Variants in PPT1 observed in about 807,000 individuals in gnomAD.
PPT1 encodes ceroid-palmitoyl-palmitoyl-protein thioesterase 1.
A neutral mutation model predicts 44.0 loss-of-function variants in PPT1; 24 were observed. The observed-to-expected ratio is 0.54, with a 90% CI of 0.39 to 0.77. The LOEUF (loss-of-function observed/expected upper bound fraction) is 0.77. Among genes scored for constraint, PPT1 ranks in the 30% least tolerant of loss-of-function variants. The probability of loss-of-function intolerance (pLI) is 0.00; values close to 1 mark genes in which losing one functional copy is unlikely to be tolerated. For missense variants in PPT1, 341 were observed against 378.8 expected (o/e 0.90, Z 0.83); for synonymous variants, 148 against 140.2 (o/e 1.06, Z -0.39).
chr1:40,087,329 G>A (rs1473195146), intron 5 of PPT1, among the ~76,000 whole-genome samples: 1 of 151,866 alleles, frequency 6.6e-6, no homozygotes. Flanking sequence ...TGCAACCTCC[G>A]CCTTCTGGGT....
At chr1:40,078,842 A>T in intron 6 of PPT1, 184 bp from the exon 7 acceptor site, 1 of 625,006 alleles carries the variant, frequency 1.6e-6, no homozygotes, top group East Asian at 3.3e-5. Flanking sequence ...TTTTTTTCTA[A>T]AAAACAAAAT....
intron 5 of PPT1, among the ~76,000 whole-genome samples, chr1:40,086,290 G>T (rs1322804476): frequency 6.6e-6 from 1 of 152,090 alleles, no homozygotes; most frequent in Non-Finnish European, 1.5e-5. Flanking sequence ...GGCTAGGAAG[G>T]GCTGACAGCA....
At chr1:40,071,717 C>A, downstream of PPT1, 1 of 575,894 alleles carries the variant, frequency 1.7e-6, no homozygotes, top group Non-Finnish European at 3.1e-6. Context: ...GATAGCAGGT[C>A]AGTTGATCTT....
chr1:40,075,958 C>CAAAAAAAA (rs56338772), intron 8 of PPT1, among the ~76,000 whole-genome samples: 3 of 41,846 alleles, frequency 7.2e-5, no homozygotes, highest in African/African-American at 3.4e-4. Flanking sequence ...AAGACTGTCT[C>CAAAAAAAA]AAAAAAAAAA....
rs1648864924 is a variant in PPT1, at chr1:40,080,379, C to A, written c.627+18G>T. The A allele has an allele frequency of 1.2e-6, 2 of 1,609,000 alleles. No individual in the cohort carries two copies. The highest frequency in any genetic ancestry group is 2.2e-5 in the South Asian group (2 of 90,988). The stretch of plus-strand genomic sequence containing the variant: ...GAAAAAGAACGCACATCTATGGGAG[C>A]CCGGTTTGGGTGCTTACCCGCTCCT... On this transcript the variant is annotated intron_variant, in intron 6 of 8. Coordinates refer to ENST00000642050, the MANE Select transcript of PPT1 (RefSeq NM_000310.4).
At chr1:40,096,943 G>C in intron 1 of PPT1, 172 bp downstream of exon 1, 2 of 1,181,436 alleles carry the variant, frequency 1.7e-6, no homozygotes, top group Non-Finnish European at 2.5e-6. Context: ...TGAAGGGGAC[G>C]GCTCCTTCCC....
chr1:40,088,636 T>C (rs1287292988), intron 5 of PPT1, among the ~76,000 whole-genome samples: 1 of 152,136 alleles, frequency 6.6e-6, no homozygotes, highest in Non-Finnish European at 1.5e-5. Context: ...TGTGAACTTC[T>C]GGCTTCAAGC....
intron 5 of PPT1, among the ~76,000 whole-genome samples, chr1:40,082,781 ATACT>A (rs1649034828): frequency 6.6e-6 from 1 of 152,254 alleles, no homozygotes; most frequent in Non-Finnish European, 1.5e-5. Flanking sequence ...TCTAGCTAAG[ATACT>A]TAATGAAGGT....
chr1:40,076,700 T>C (rs1648647927), intron 8 of PPT1, 142 bp downstream of exon 8: 2 of 1,544,190 alleles, frequency 1.3e-6, no homozygotes, highest in Non-Finnish European at 1.7e-6. Context: ...TTCACCCATA[T>C]TGGACATGAG....
At chr1:40,091,420 T>C in intron 3 of PPT1, 21 bp from the exon 4 acceptor site, 1 of 1,591,852 alleles carries the variant, frequency 6.3e-7, no homozygotes, top group African/African-American at 1.3e-5. Flanking sequence ...AAAGGGAGTT[T>C]TAGCTCCGAC....
intron 1 of PPT1, chr1:40,096,865 C>G: frequency 1.6e-6 from 1 of 613,724 alleles, no homozygotes; most frequent in Non-Finnish European, 2.8e-6. Context: ...AAGGATTAAT[C>G]AAGGACAGCA....
rs757268571 is a variant in PPT1, at chr1:40,097,150, G to A, written c.89C>T (p.Pro30Leu). Reference sequence around the variant, plus strand: ...CCAGATCACCAACGGCAGCGGCGCCGGCGGGTCCAGATGCTGCAGCGCCCG... The same window carrying A: ...CCAGATCACCAACGGCAGCGGCGCCAGCGGGTCCAGATGCTGCAGCGCCCG... ...ASRALQHLDP[P>L]APLPLVIWHG... is the part of the protein sequence containing the mutation. Residue 30 changes from proline to leucine, a missense_variant, in exon 1 of 9, where the codon CCG (proline) becomes CTG (leucine). By Grantham distance (98) the Pro-to-Leu change is moderately conservative. Transcript: ENST00000642050. The A allele has an allele frequency of 6.8e-6, 11 of 1,614,010 alleles. No individual in the cohort carries two copies. The highest frequency in any genetic ancestry group is 3.3e-5 in the Admixed American group (2 of 59,998).
intron 1 of PPT1, chr1:40,096,827 A>AT (rs1312999310): frequency 7.1e-6 from 3 of 425,330 alleles, no homozygotes; most frequent in Non-Finnish European, 1.3e-5. Context: ...ACCAAGTGAG[A>AT]GATGCTGCAT....
intron 1 of PPT1, 41 bp downstream of exon 1, chr1:40,097,074 G>C (rs545105820): frequency 5.6e-6 from 9 of 1,613,952 alleles, no homozygotes; most frequent in Non-Finnish European, 7.6e-6. Flanking sequence ...GCTAGGAAGA[G>C]AGAGAATCGC....
chr1:40,081,945 A>G (rs1252658749), intron 5 of PPT1, among the ~76,000 whole-genome samples: 2 of 152,176 alleles, frequency 1.3e-5, no homozygotes, highest in Admixed American at 6.5e-5. Flanking sequence ...AAAGCCTGAT[A>G]GTGATATAGA....
intron 6 of PPT1, among the ~76,000 whole-genome samples, chr1:40,079,650 C>T (rs1177455050): frequency 6.6e-6 from 1 of 152,166 alleles, no homozygotes; most frequent in East Asian, 1.9e-4. Flanking sequence ...CCCACCTCGG[C>T]CTCCCAAAGT....
chr1:40,093,896 A>AAAAAG (rs1474255341), intron 1 of PPT1: 2 of 629,038 alleles, frequency 3.2e-6, no homozygotes, highest in African/African-American at 3.7e-5. Flanking sequence ...AAAAAAAAAA[A>AAAAAG]AAAAAAAATC....
chr1:40,072,107 G>C, downstream of PPT1: 1 of 400,582 alleles, frequency 2.5e-6, no homozygotes, highest in African/African-American at 2.1e-5. Context: ...TTCTATCCTG[G>C]GTCTGCCTCA....
chr1:40,078,000 G>C (rs576170765), intron 7 of PPT1, among the ~76,000 whole-genome samples: 2 of 152,216 alleles, frequency 1.3e-5, no homozygotes, highest in East Asian at 3.9e-4. Flanking sequence ...CTGGAAAATG[G>C]ATTAAAATTA....
Sources: gnomAD v4.1 joint callset for allele counts (sites outside exome capture counted in the v4.1 genomes callset) on GRCh38, gnomAD v4.1.1 for gene constraint, MANE v1.5 for transcripts, NCBI Gene and HGNC (gene_info 2026-07-23, HGNC 2026-07-21) for gene names.